Variants in ZNF679 observed in about 807,000 individuals in gnomAD.
ZNF679 encodes hypothetical protein MGC42415.
Under a neutral mutation model 13.4 loss-of-function variants are expected in ZNF679, and 10 were observed. The ratio of observed to expected loss-of-function variants is 0.75; its 90% CI spans 0.46 to 1.27. The LOEUF (loss-of-function observed/expected upper bound fraction) is 1.27. Among genes scored for constraint, ZNF679 ranks in the 50% most tolerant of loss-of-function variants. ZNF679 has a pLI of 0.00. For synonymous variants in ZNF679, 179 were observed against 162.5 expected (o/e 1.10, Z -0.77); for missense variants, 525 against 477.8 (o/e 1.10, Z -0.92).
chr7:64,258,128 A>G (rs543459768), intron 2 of ZNF679, among the ~76,000 whole-genome samples: 1 of 152,248 alleles, frequency 6.6e-6, no homozygotes, highest in East Asian at 1.9e-4. Flanking sequence ...AGGGCAGGGA[A>G]AAAGAAACTT....
rs180960309 is a variant in ZNF679 at position 64,248,375 on chromosome 7, C to T, written c.-90-653C>T. 4.1e-4 allele frequency among the ~76,000 whole-genome samples: 63 copies of T among 152,182 alleles called. No individual in the cohort carries two copies. In the East Asian group the frequency reaches 0.012, roughly 29 times the overall value. ...TCGGCTCACTGCAAACTCCCCCTCC[C>T]GGGTTCAAGCGATTTTTCTGCCTCA... is the stretch of plus-strand genomic sequence containing the variant. On this transcript the variant is annotated intron_variant, in intron 1 of 4. Transcript: ENST00000421025.
intron 1 of ZNF679, among the ~76,000 whole-genome samples, chr7:64,233,976 G>T (rs557773465): frequency 1.2e-4 from 19 of 152,308 alleles, no homozygotes; most frequent in Non-Finnish European, 2.5e-4. Context: ...GGAGCTCTGA[G>T]AAGTGAGATG....
rs1787906536 is a variant in ZNF679 at position 64,249,035 on chromosome 7, GTTC to G, written c.-78_-76del. Reference sequence around the variant, plus strand: ...GTGTTTCTCTGCGTCCAGAGCTCCAGTTCTTCTCTTCACTGCTCTGCGTCCTCT... The same window carrying G: ...GTGTTTCTCTGCGTCCAGAGCTCCAGTTCTCTTCACTGCTCTGCGTCCTCT... On this transcript the variant is annotated 5_prime_UTR_variant, in exon 2 of 5. Transcript: ENST00000421025. 1.6e-5 allele frequency: 25 copies of G among 1,597,872 alleles called. No homozygotes were observed. The South Asian group carries it at 1.7e-4, about 11-fold the overall frequency.
intron 2 of ZNF679, among the ~76,000 whole-genome samples, chr7:64,258,414 G>C (rs557280647): frequency 6.6e-6 from 1 of 152,164 alleles, no homozygotes; most frequent in East Asian, 1.9e-4. Context: ...ATCAAGAGTA[G>C]TGTGCGGGCC....
chr7:64,248,646 C>T (rs533691937), intron 1 of ZNF679, among the ~76,000 whole-genome samples: 1 of 152,200 alleles, frequency 6.6e-6, no homozygotes, highest in East Asian at 1.9e-4. Flanking sequence ...TGCAAAGGAC[C>T]CGCAGCAAGG....
intron 2 of ZNF679, among the ~76,000 whole-genome samples, chr7:64,255,679 G>T (rs1787996504): frequency 1.3e-5 from 2 of 152,008 alleles, no homozygotes; most frequent in South Asian, 4.2e-4. Flanking sequence ...CATGATCTCG[G>T]CTCACTGCAA....
intron 4 of ZNF679, among the ~76,000 whole-genome samples, chr7:64,262,708 T>C (rs1452636586): frequency 2.0e-5 from 3 of 152,216 alleles, no homozygotes; most frequent in African/African-American, 4.8e-5. Flanking sequence ...TAGTCATTGT[T>C]ATTGTTGCTT....
chr7:64,237,228 T>A (rs1485199137), intron 1 of ZNF679, among the ~76,000 whole-genome samples: 4 of 152,214 alleles, frequency 2.6e-5, no homozygotes, highest in African/African-American at 9.6e-5. Flanking sequence ...ATGAGTCCTC[T>A]GGGCACTTAC....
intron 4 of ZNF679, 80 bp from the exon 5 acceptor site, chr7:64,265,816 T>C: frequency 6.8e-7 from 1 of 1,473,128 alleles, no homozygotes; most frequent in East Asian, 2.4e-5. Flanking sequence ...GTACCTTGTA[T>C]AATTTTATAT....
At chr7:64,242,924 C>T (rs1787817451) in intron 1 of ZNF679, among the ~76,000 whole-genome samples, 1 of 152,150 alleles carries the variant, frequency 6.6e-6, no homozygotes. Context: ...TGACCTTTGT[C>T]CAGATCCACA....
chr7:64,239,464 C>T (rs977653810), intron 1 of ZNF679, among the ~76,000 whole-genome samples: 78 of 152,308 alleles, frequency 5.1e-4, no homozygotes, highest in African/African-American at 1.7e-3. Flanking sequence ...GTGACATGCA[C>T]TTCTACCTAG....
intron 1 of ZNF679, among the ~76,000 whole-genome samples, chr7:64,229,961 A>G (rs568952225): frequency 2.0e-5 from 3 of 152,322 alleles, no homozygotes; most frequent in South Asian, 2.1e-4. Flanking sequence ...CGAACATAAG[A>G]GGATAGTCAC....
intron 2 of ZNF679, among the ~76,000 whole-genome samples, chr7:64,253,591 CA>C (rs1275550313): frequency 6.6e-6 from 1 of 152,090 alleles, no homozygotes; most frequent in African/African-American, 2.4e-5. Flanking sequence ...TAAAATAAAA[CA>C]AAATCAGATT....
chr7:64,248,787 T>G (rs1787902348), intron 1 of ZNF679, among the ~76,000 whole-genome samples: 1 of 152,178 alleles, frequency 6.6e-6, no homozygotes, highest in African/African-American at 2.4e-5. Flanking sequence ...TCCTCTAAGG[T>G]TGGCCTGGCT....
At chr7:64,259,327 A>G (rs945288769) in intron 2 of ZNF679, among the ~76,000 whole-genome samples, 2 of 152,344 alleles carry the variant, frequency 1.3e-5, no homozygotes, top group Middle Eastern at 3.4e-3. Flanking sequence ...GCTGTTGAAC[A>G]TGAGAAGGTG....
rs920324794 is a variant in ZNF679 at position 64,266,074 on chromosome 7, T to C, written c.441T>C (p.Cys147=). The C allele has an allele frequency of 6.2e-7, 1 of 1,613,182 alleles. No homozygotes were observed. Among genetic ancestry groups the C allele is most frequent in the African/African-American group, 1.3e-5 (1 of 74,922 alleles). The change falls in exon 5 of 5, where the codon TGT becomes TGC. Residue 147 remains cysteine, a synonymous_variant. Transcript: ENST00000421025. ...GAGGTTGTAATGAAGTTAACCAATG[T>C]TTGTCAACTACCCAAAACAAAATAT... is the stretch of plus-strand genomic sequence containing the variant. ...QKGGCNEVNQ[C]LSTTQNKIFQ...
chr7:64,233,989 C>G (rs945761448), intron 1 of ZNF679, among the ~76,000 whole-genome samples: 3 of 152,036 alleles, frequency 2.0e-5, no homozygotes, highest in African/African-American at 4.8e-5. Flanking sequence ...GTGAGATGCT[C>G]GGTGCTACTG....
chr7:64,241,473 T>A (rs111395639), intron 1 of ZNF679, among the ~76,000 whole-genome samples: 5,691 of 152,288 alleles, frequency 0.037, 198 homozygotes, highest in East Asian at 0.17. Flanking sequence ...GGCCCAGCGA[T>A]ATGTCACAAT....
chr7:64,235,362 C>T (rs1475376397), intron 1 of ZNF679, among the ~76,000 whole-genome samples: 1 of 148,556 alleles, frequency 6.7e-6, no homozygotes, highest in Non-Finnish European at 1.5e-5. Flanking sequence ...ACCCACAAAA[C>T]AGTTCTAAAA....
Sources: gnomAD v4.1 joint callset for allele counts (sites outside exome capture counted in the v4.1 genomes callset) on GRCh38, gnomAD v4.1.1 for gene constraint, MANE v1.5 for transcripts, NCBI Gene and HGNC (gene_info 2026-07-23, HGNC 2026-07-21) for gene names.